Variants in GLIS3 observed in about 807,000 individuals in gnomAD.
GLIS3 encodes the protein GLIS family zinc finger 3.
Under a neutral mutation model 78.6 loss-of-function variants are expected in GLIS3, and 53 were observed. That is an observed-to-expected ratio of 0.67 (90% CI 0.54 to 0.85). GLIS3 has a LOEUF of 0.85. GLIS3 is among the 40% of genes least tolerant of loss of function. The probability of loss-of-function intolerance (pLI) is 0.00; values close to 1 mark genes in which losing one functional copy is unlikely to be tolerated. For synonymous variants in GLIS3, 684 were observed against 509.9 expected, an observed-to-expected ratio of 1.34 and a Z score of -4.60; for missense variants, 1,703 against 1,231.1, an observed-to-expected ratio of 1.38 and a Z score of -5.74.
At chr9:4,449,571 G>A in the GLIS3 span, among the ~76,000 whole-genome samples, 1 of 152,134 alleles carries the variant, frequency 6.6e-6, no homozygotes, top group South Asian at 2.1e-4. Context: ...TCCCAGTAGG[G>A]GCCAATTGAT....
intron 4 of GLIS3, among the ~76,000 whole-genome samples, chr9:4,086,713 A>C (rs1275470244): frequency 2.6e-5 from 4 of 152,208 alleles, no homozygotes; most frequent in Admixed American, 2.0e-4. Flanking sequence ...AACAGTGCTG[A>C]GCAGGCTCTA....
intron 2 of GLIS3, among the ~76,000 whole-genome samples, chr9:4,128,635 T>C (rs1338709204): frequency 6.6e-6 from 1 of 152,186 alleles, no homozygotes; most frequent in Non-Finnish European, 1.5e-5. Context: ...AGTCAATCCT[T>C]TGATGTCTCT....
At chr9:4,381,164 AG>A in the GLIS3 span, among the ~76,000 whole-genome samples, 29 of 152,364 alleles carry the variant, frequency 1.9e-4, no homozygotes, top group African/African-American at 5.5e-4. Flanking sequence ...TACATTTTTA[AG>A]AAAATGACAT....
At chr9:4,435,550 C>T in the GLIS3 span, among the ~76,000 whole-genome samples, 2 of 152,186 alleles carry the variant, frequency 1.3e-5, no homozygotes, top group Non-Finnish European at 1.5e-5. Flanking sequence ...TAATTTTGTA[C>T]CATCCTGGAT....
At chr9:4,477,949 A>G in the GLIS3 span, among the ~76,000 whole-genome samples, 195 of 152,372 alleles carry the variant, frequency 1.3e-3, 1 homozygote, top group African/African-American at 4.4e-3. Context: ...TATGAAATAC[A>G]TATTTCTAAG....
chr9:3,880,218 C>T (rs982573710), intron 7 of GLIS3, among the ~76,000 whole-genome samples: 2 of 152,222 alleles, frequency 1.3e-5, no homozygotes, highest in Non-Finnish European at 2.9e-5. Context: ...TCTCAAACTA[C>T]GAAAACACAG....
chr9:3,854,550 T>TC (rs1468391090), intron 9 of GLIS3, among the ~76,000 whole-genome samples: 1 of 151,228 alleles, frequency 6.6e-6, no homozygotes, highest in Non-Finnish European at 1.5e-5. Context: ...GTTCTTTTTT[T>TC]TTTTGAGACA....
chr9:4,487,529 C>A, the GLIS3 span, among the ~76,000 whole-genome samples: 1 of 152,006 alleles, frequency 6.6e-6, no homozygotes, highest in African/African-American at 2.4e-5. Flanking sequence ...TACTTTACCC[C>A]GAGAACCCTA....
At chr9:4,205,149 C>A (rs976108621) in intron 2 of GLIS3, among the ~76,000 whole-genome samples, 1 of 148,610 alleles carries the variant, frequency 6.7e-6, no homozygotes, top group African/African-American at 2.5e-5. Flanking sequence ...GCACTCCAGT[C>A]CCTGGGTGAC....
intron 4 of GLIS3, among the ~76,000 whole-genome samples, chr9:4,111,584 A>G (rs2130846523): frequency 6.6e-6 from 1 of 152,364 alleles, no homozygotes; most frequent in Non-Finnish European, 1.5e-5. Flanking sequence ...TCAATGCCCC[A>G]TCTAATGAGG....
At chr9:4,209,545 A>T (rs974927680) in intron 2 of GLIS3, among the ~76,000 whole-genome samples, 6 of 152,086 alleles carry the variant, frequency 3.9e-5, no homozygotes, top group Admixed American at 1.3e-4. Context: ...TGCTATTCTC[A>T]TTGTGCCTGC....
the GLIS3 span, among the ~76,000 whole-genome samples, chr9:4,418,458 A>G: frequency 6.6e-6 from 1 of 152,342 alleles, no homozygotes; most frequent in African/African-American, 2.4e-5. Flanking sequence ...AAGAATTTGC[A>G]AAGACTAGAA....
Position 4,204,092 on chromosome 9 carries a change from T to C in GLIS3, c.389-78151A>G, listed in dbSNP as rs1342165817. Among the ~76,000 whole-genome samples the C allele has an allele frequency of 3.9e-5, 6 of 152,242 alleles. No individual in the cohort carries two copies. The South Asian group carries it at 1.0e-3, about 26-fold the overall frequency. On this transcript the variant is annotated intron_variant, in intron 2 of 10. Transcript: ENST00000381971. ...CTGCATGTGTCCTCTGAATCTAATA[T>C]AAAAGTTGAAATTACTTAAAAAAGA...
the GLIS3 span, among the ~76,000 whole-genome samples, chr9:4,437,047 T>G: frequency 6.6e-6 from 1 of 151,868 alleles, no homozygotes; most frequent in African/African-American, 2.4e-5. Context: ...GAGGAAGAAT[T>G]TTCTAGAAGG....
chr9:3,950,201 G>A (rs1336097737), intron 4 of GLIS3, among the ~76,000 whole-genome samples: 1 of 152,080 alleles, frequency 6.6e-6, no homozygotes, highest in Non-Finnish European at 1.5e-5. Flanking sequence ...CCTAAGCTAA[G>A]CCACTATGGC....
At chr9:3,980,359 T>C (rs979379446) in intron 4 of GLIS3, among the ~76,000 whole-genome samples, 19 of 152,172 alleles carry the variant, frequency 1.2e-4, no homozygotes, top group African/African-American at 4.3e-4. Flanking sequence ...ACACTCGACG[T>C]AAGTGGCAGA....
At chr9:4,479,217 C>T in the GLIS3 span, among the ~76,000 whole-genome samples, 37 of 152,240 alleles carry the variant, frequency 2.4e-4, no homozygotes, top group Middle Eastern at 3.4e-3. Flanking sequence ...TGAGCCACTG[C>T]ACCAGGCCTC....
At chr9:4,083,672 G>A (rs916688858) in intron 4 of GLIS3, among the ~76,000 whole-genome samples, 4 of 152,134 alleles carry the variant, frequency 2.6e-5, no homozygotes, top group African/African-American at 7.2e-5. Flanking sequence ...CAATGTTTAA[G>A]AGTAAGTAAT....
chr9:4,455,537 T>C, the GLIS3 span, among the ~76,000 whole-genome samples: 2 of 152,212 alleles, frequency 1.3e-5, no homozygotes, highest in Non-Finnish European at 2.9e-5. Context: ...GGGTGGATCA[T>C]ATAATTTGTT....
Sources: allele counts gnomAD v4.1 joint callset (sites outside exome capture counted in the v4.1 genomes callset), GRCh38; gene constraint gnomAD v4.1.1; transcripts MANE v1.5; gene names NCBI Gene and HGNC (gene_info 2026-07-23, HGNC 2026-07-21).